The following ITPK1 variants were observed in gnomAD, a reference collection of about 807,000 sequenced individuals.
The protein encoded by ITPK1 is inositol 1,3,4-trisphosphate 5/6-kinase.
In ITPK1, 21 loss-of-function variants were observed where a neutral mutation model predicts 45.3. The ratio of observed to expected loss-of-function variants is 0.46; its 90% CI spans 0.33 to 0.67. ITPK1 has a LOEUF of 0.67. ITPK1 is among the 30% of genes least tolerant of loss of function. ITPK1 has a pLI of 0.02. For synonymous variants in ITPK1, 258 were observed against 253.6 expected (o/e 1.02, Z -0.16); for missense variants, 474 against 573.5 (o/e 0.83, Z 1.77).
At chr14:92,984,263 G>T (rs573045926) in intron 5 of ITPK1, among the ~76,000 whole-genome samples, 1 of 152,212 alleles carries the variant, frequency 6.6e-6, no homozygotes, top group African/African-American at 2.4e-5. Context: ...GTGCAGGGCC[G>T]GAAGTGAGGG....
At chr14:92,996,495 C>T (rs891559591) in intron 4 of ITPK1, among the ~76,000 whole-genome samples, 6 of 151,384 alleles carry the variant, frequency 4.0e-5, no homozygotes, top group East Asian at 3.9e-4. Flanking sequence ...GACGAGTTAA[C>T]GGATGCAGCA....
In ITPK1 at chr14:92,993,977, A is replaced by T. The variant is rs1886919621; in HGVS notation, c.267T>A (p.Pro89=). 3.1e-6 allele frequency: 5 copies of T among 1,613,114 alleles called. No homozygotes were observed. The highest frequency in any genetic ancestry group is 4.2e-6 in the Non-Finnish European group (5 of 1,179,084). ...HRFQEYIDAH[P]ETIVLDPLPA... is the part of the protein sequence containing the mutation. The stretch of plus-strand genomic sequence containing the variant: ...GGAGCGGGTCCAGGACGATGGTCTC[A>T]GGGTGGGCATCGATGTACTCCTGAA... The change falls in exon 5 of 11, where the codon CCT becomes CCA. Residue 89 remains proline (P), a synonymous_variant. Transcript: ENST00000267615.
At position 92,941,184 on chromosome 14, in the gene ITPK1, G is replaced by T; in HGVS notation, c.*377C>A. The T allele has an allele frequency of 8.1e-7, 1 of 1,241,288 alleles. No homozygotes were observed. The highest frequency in any genetic ancestry group is 1.0e-6 in the Non-Finnish European group (1 of 979,452). 76.9% of individuals were successfully genotyped at this position (1,241,288 alleles called of 1,614,324 possible). A position where few individuals can be genotyped will look rare whatever the true frequency, so the allele number is the denominator to read the frequency against. ...CCGACATGGGCAGGCTTCCCCCAAGGGTCCCGGTCCACAGTGGCCATGGAG... is the reference window on the plus strand; with the variant it reads ...CCGACATGGGCAGGCTTCCCCCAAGTGTCCCGGTCCACAGTGGCCATGGAG... On this transcript the variant is annotated 3_prime_UTR_variant, in exon 11 of 11. Transcript: ENST00000267615.
At chr14:93,106,546 C>G (rs1892533558) in intron 2 of ITPK1, among the ~76,000 whole-genome samples, 1 of 152,232 alleles carries the variant, frequency 6.6e-6, no homozygotes. Context: ...GGAGAGAGCT[C>G]TAGGCCCCTC....
intron 5 of ITPK1, among the ~76,000 whole-genome samples, chr14:92,984,637 C>G (rs1487865749): frequency 6.6e-6 from 1 of 152,162 alleles, no homozygotes; most frequent in Non-Finnish European, 1.5e-5. Context: ...CCTGATTCTC[C>G]AACATATCTG....
chr14:93,011,095 A>G (rs1465161748), intron 4 of ITPK1, among the ~76,000 whole-genome samples: 1 of 152,260 alleles, frequency 6.6e-6, no homozygotes, highest in Non-Finnish European at 1.5e-5. Context: ...GGAACTATGC[A>G]GTATTGGGTT....
chr14:93,098,259 A>G (rs764053751), intron 2 of ITPK1, among the ~76,000 whole-genome samples: 1 of 152,070 alleles, frequency 6.6e-6, no homozygotes, highest in Non-Finnish European at 1.5e-5. Flanking sequence ...GATCGAGACC[A>G]TCCTGGCTAA....
intron 3 of ITPK1, among the ~76,000 whole-genome samples, chr14:93,028,383 G>A (rs753725696): frequency 1.3e-5 from 2 of 152,140 alleles, no homozygotes; most frequent in Admixed American, 1.3e-4. Context: ...TAACACCTTC[G>A]CTCAGCCTGT....
chr14:93,058,263 C>T (rs1388331547), intron 3 of ITPK1, among the ~76,000 whole-genome samples: 8 of 150,820 alleles, frequency 5.3e-5, no homozygotes, highest in Non-Finnish European at 7.4e-5. Context: ...TCTGGAAGGT[C>T]GAAGCCAGAG....
At chr14:92,973,955 T>C (rs1479953962) in intron 5 of ITPK1, among the ~76,000 whole-genome samples, 1 of 152,204 alleles carries the variant, frequency 6.6e-6, no homozygotes, top group Non-Finnish European at 1.5e-5. Context: ...GAAAGCCATG[T>C]GCCTTGCCCG....
chr14:93,066,306 ATGTGTGTGTGTGTATGTGTG>A (rs1042819676), intron 3 of ITPK1: 1 of 426,780 alleles, frequency 2.3e-6, no homozygotes, highest in Non-Finnish European at 4.7e-6. Flanking sequence ...GTGCGCGTGC[ATGTGTGTGTGTGTATGTGTG>A]TGTGTGTGTG....
At chr14:93,096,198 T>C (rs1327464835) in intron 2 of ITPK1, among the ~76,000 whole-genome samples, 1 of 152,180 alleles carries the variant, frequency 6.6e-6, no homozygotes, top group African/African-American at 2.4e-5. Flanking sequence ...CCGCTTCCCC[T>C]GCCTGAGATG....
chr14:93,076,511 G>T lies in ITPK1; in HGVS notation c.120+84C>A. On this transcript the variant is annotated intron_variant, in intron 3 of 10. Transcript: ENST00000267615. The surrounding 1 kb of genome is among the most constrained non-coding windows in gnomAD (Gnocchi z 4.3). ...AAGAAGAGAGAAAGCCGTGCCCAAT[G>T]CTGGAGGAGAGAAGGAGAGACAGAG... is the stretch of plus-strand genomic sequence containing the variant. 6.8e-7 allele frequency: 1 copy of T among 1,465,392 alleles called. No individual in the cohort carries two copies. Among genetic ancestry groups the T allele is most frequent in the African/African-American group, 1.4e-5 (1 of 71,546 alleles). The allele number at this position is 1,465,392 out of a possible 1,614,324, so 90.8% of individuals were successfully genotyped here.
rs543456945 is a variant in ITPK1 at position 93,016,788 on chromosome 14, C to T, written c.134G>A (p.Arg45Gln). Residue 45 changes from arginine to glutamine, a missense_variant, in exon 4 of 11, where the codon CGG becomes CAG. Coordinates refer to ENST00000267615, the MANE Select transcript of ITPK1 (RefSeq NM_014216.6). This position sits in a 1 kb window ranked among gnomAD's most constrained non-coding sequence, Gnocchi z 5.0. ...GMEVVQLNLS[R>Q]PIEEQGPLDV... The stretch of plus-strand genomic sequence containing the variant: ...CAGGGGGCCCTGCTCCTCGATCGGC[C>T]GGCTAAGGTTCAGCTGTGAGGCAGG... 20 of 1,614,046 alleles carry T rather than the reference C, an allele frequency of 1.2e-5. No homozygotes were observed. The highest frequency in any genetic ancestry group is 6.7e-5 in the African/African-American group (5 of 75,022).
chr14:93,009,084 G>T (rs1887762003), intron 4 of ITPK1, among the ~76,000 whole-genome samples: 1 of 152,122 alleles, frequency 6.6e-6, no homozygotes, highest in Admixed American at 6.5e-5. Flanking sequence ...TGAGGGGCAG[G>T]GTGGGGAGTG....
At chr14:92,990,332 T>C (rs1455467570) in intron 5 of ITPK1, among the ~76,000 whole-genome samples, 1 of 152,080 alleles carries the variant, frequency 6.6e-6, no homozygotes, top group African/African-American at 2.4e-5. Flanking sequence ...GGGCTGGAAA[T>C]ACAGCCATCA....
chr14:93,093,589 G>T (rs771806065), intron 2 of ITPK1, among the ~76,000 whole-genome samples: 13 of 152,154 alleles, frequency 8.5e-5, no homozygotes, highest in Non-Finnish European at 1.6e-4. Flanking sequence ...GCACCTCTTG[G>T]GGGTCTTGTT....
rs140865152 is a variant in ITPK1, at chr14:93,031,711, C to T, written c.121-14910G>A. The stretch of plus-strand genomic sequence containing the variant: ...AAGTGCCCATCCCCAAGTGGGATTC[C>T]GACTTCATGTCCCCAGACTCCTCCC... On this transcript the variant is annotated intron_variant, in intron 3 of 10. Transcript: ENST00000267615. Among the ~76,000 whole-genome samples, 187 of 152,232 alleles carry T rather than the reference C, an allele frequency of 1.2e-3. 1 individual carries two copies. In the East Asian group the frequency reaches 0.033, roughly 27 times the overall value.
intron 2 of ITPK1, among the ~76,000 whole-genome samples, chr14:93,098,733 G>A (rs978531379): frequency 1.3e-5 from 2 of 152,184 alleles, no homozygotes; most frequent in Admixed American, 6.5e-5. Flanking sequence ...AGCACCGAAA[G>A]GCCCATGAAG....
Sources: allele counts gnomAD v4.1 joint callset (sites outside exome capture counted in the v4.1 genomes callset), GRCh38; gene constraint gnomAD v4.1.1; non-coding constraint Gnocchi (gnomAD v3.1); transcripts MANE v1.5; gene names NCBI Gene and HGNC (gene_info 2026-07-23, HGNC 2026-07-21).